The following PLCXD3 variants were observed in gnomAD, a reference collection of about 807,000 sequenced individuals.
The protein encoded by PLCXD3 is phosphatidylinositol specific phospholipase C X domain containing 3.
In PLCXD3, 19 loss-of-function variants were observed where a neutral mutation model predicts 25.5. The observed-to-expected ratio is 0.75, with a 90% confidence interval of 0.52 to 1.09. The LOEUF is 1.09. Ranked by LOEUF, PLCXD3 falls within the 50% of genes least tolerant of loss-of-function variation. PLCXD3 has a pLI of 0.00. For missense variants in PLCXD3, 411 were observed against 388.1 expected, an observed-to-expected ratio of 1.06 and a Z score of -0.50; for synonymous variants, 174 against 137.6, an observed-to-expected ratio of 1.26 and a Z score of -1.85.
intron 2 of PLCXD3, among the ~76,000 whole-genome samples, chr5:41,332,874 C>T (rs1411553137): frequency 6.6e-6 from 1 of 152,076 alleles, no homozygotes; most frequent in South Asian, 2.1e-4. Context: ...TATTCTCACT[C>T]ATAGGTGGGA....
chr5:41,343,730 G>A (rs985605189), intron 2 of PLCXD3, among the ~76,000 whole-genome samples: 1 of 152,100 alleles, frequency 6.6e-6, no homozygotes, highest in Non-Finnish European at 1.5e-5. Context: ...TCAGCTAGAG[G>A]AGAATTCTGA....
intron 1 of PLCXD3, among the ~76,000 whole-genome samples, chr5:41,463,851 T>A (rs1024657686): frequency 1.4e-4 from 21 of 151,820 alleles, no homozygotes; most frequent in Non-Finnish European, 4.4e-5. Flanking sequence ...AATCATAGCA[T>A]CACTTTCAGG....
intron 2 of PLCXD3, among the ~76,000 whole-genome samples, chr5:41,329,147 G>GTTTT (rs1453733471): frequency 6.6e-6 from 1 of 152,102 alleles, no homozygotes; most frequent in South Asian, 2.1e-4. Flanking sequence ...GTTTTGTTTT[G>GTTTT]TTTTTCCAAA....
chr5:41,406,810 A>G (rs181854627), intron 1 of PLCXD3, among the ~76,000 whole-genome samples: 11 of 152,314 alleles, frequency 7.2e-5, no homozygotes, highest in African/African-American at 2.6e-4. Context: ...AATGGATTTA[A>G]TCTTAGGTAA....
At chr5:41,365,991 G>A (rs895984672) in intron 2 of PLCXD3, among the ~76,000 whole-genome samples, 6 of 151,236 alleles carry the variant, frequency 4.0e-5, no homozygotes, top group South Asian at 2.1e-4. Context: ...TGTGCACAAC[G>A]TGCAGGTTTG....
intron 2 of PLCXD3, among the ~76,000 whole-genome samples, chr5:41,317,633 T>A (rs1253977474): frequency 6.6e-6 from 1 of 151,970 alleles, no homozygotes; most frequent in East Asian, 1.9e-4. Flanking sequence ...AGAGAAGGAA[T>A]TCAGAATTCT....
intron 2 of PLCXD3, among the ~76,000 whole-genome samples, chr5:41,336,572 C>T (rs534277319): frequency 6.6e-6 from 1 of 152,218 alleles, no homozygotes; most frequent in East Asian, 1.9e-4. Flanking sequence ...CCAGAGCTTC[C>T]CTTCCAGATG....
intron 1 of PLCXD3, among the ~76,000 whole-genome samples, chr5:41,423,333 C>A (rs1326977020): frequency 6.6e-6 from 1 of 151,860 alleles, no homozygotes; most frequent in Non-Finnish European, 1.5e-5. Context: ...TATTATAAGG[C>A]TTTTGAATTT....
intron 1 of PLCXD3, among the ~76,000 whole-genome samples, chr5:41,453,982 C>A (rs1747695190): frequency 6.6e-6 from 1 of 151,902 alleles, no homozygotes; most frequent in African/African-American, 2.4e-5. Flanking sequence ...TATTCATCAA[C>A]AAGAGAAAAA....
intron 1 of PLCXD3, among the ~76,000 whole-genome samples, chr5:41,443,812 T>C (rs938623729): frequency 6.6e-6 from 1 of 152,212 alleles, no homozygotes; most frequent in African/African-American, 2.4e-5. Flanking sequence ...TACCTAAGTA[T>C]AAGCACCAGG....
chr5:41,341,440 G>T (rs1009193616), intron 2 of PLCXD3, among the ~76,000 whole-genome samples: 1 of 152,076 alleles, frequency 6.6e-6, no homozygotes, highest in Non-Finnish European at 1.5e-5. Context: ...ATATAATCAC[G>T]ACTATGAATA....
intron 1 of PLCXD3, among the ~76,000 whole-genome samples, chr5:41,477,842 C>T (rs1402017298): frequency 6.6e-6 from 1 of 152,186 alleles, no homozygotes; most frequent in East Asian, 1.9e-4. Context: ...CATTAAAAGC[C>T]TTCATCTCTT....
intron 1 of PLCXD3, among the ~76,000 whole-genome samples, chr5:41,469,073 G>A (rs966770856): frequency 2.6e-5 from 4 of 152,070 alleles, no homozygotes; most frequent in Non-Finnish European, 5.9e-5. Flanking sequence ...CTGCTGAGAG[G>A]TTTTATCATG....
intron 2 of PLCXD3, among the ~76,000 whole-genome samples, chr5:41,371,966 C>T (rs750082268): frequency 9.2e-5 from 14 of 152,076 alleles, no homozygotes; most frequent in Non-Finnish European, 1.8e-4. Flanking sequence ...AAATTCCAAA[C>T]GAATCTCCCT....
At chr5:41,354,999 T>C (rs905128647) in intron 2 of PLCXD3, among the ~76,000 whole-genome samples, 3 of 152,158 alleles carry the variant, frequency 2.0e-5, no homozygotes, top group African/African-American at 7.2e-5. Flanking sequence ...TGGTATGCTG[T>C]CTTACCTCCA....
chr5:41,331,264 C>A (rs1362954529), intron 2 of PLCXD3, among the ~76,000 whole-genome samples: 1 of 152,094 alleles, frequency 6.6e-6, no homozygotes, highest in South Asian at 2.1e-4. Flanking sequence ...GATACAAAAT[C>A]AATGTACAAA....
At chr5:41,443,213 C>T (rs1580376036) in intron 1 of PLCXD3, among the ~76,000 whole-genome samples, 1 of 151,682 alleles carries the variant, frequency 6.6e-6, no homozygotes, top group Middle Eastern at 3.4e-3. Context: ...ATTATAATAC[C>T]ATATTTTTAC....
At chr5:41,428,026 C>T (rs563732036) in intron 1 of PLCXD3, among the ~76,000 whole-genome samples, 13 of 152,280 alleles carry the variant, frequency 8.5e-5, no homozygotes, top group Admixed American at 4.6e-4. Context: ...TCTCAGTTCC[C>T]ATTTCCCACT....
At position 41,312,514 on chromosome 5, in the gene PLCXD3, A is replaced by G. The variant is rs557375268; in HGVS notation, c.*1103T>C. ...TATTTGAAAATCCCAAATTGGCAGGAAAGCTTGCAGTCTTTTTCTTCTTCC... is the reference window on the plus strand; with the variant it reads ...TATTTGAAAATCCCAAATTGGCAGGGAAGCTTGCAGTCTTTTTCTTCTTCC... On this transcript the variant is annotated 3_prime_UTR_variant, in exon 3 of 3. Coordinates refer to ENST00000377801, the MANE Select transcript of PLCXD3 (RefSeq NM_001005473.3). The G allele has an allele frequency of 2.6e-5, 4 of 152,144 alleles. No individual in the cohort carries two copies. Among genetic ancestry groups the G allele is most frequent in the Admixed American group, 2.0e-4 (3 of 15,266 alleles). The allele number at this position is 152,144 out of a possible 1,614,324, so 9.4% of individuals were successfully genotyped here.
Sources: allele counts gnomAD v4.1 joint callset (sites outside exome capture counted in the v4.1 genomes callset), GRCh38; gene constraint gnomAD v4.1.1; transcripts MANE v1.5; gene names NCBI Gene and HGNC (gene_info 2026-07-23, HGNC 2026-07-21).